SMARCA5: variants seen among roughly 807,000 people sequenced by gnomAD.
SMARCA5 encodes the protein SWI/SNF-related matrix-associated actin-dependent regulator of chromatin subfamily A member 5.
In SMARCA5, 18 loss-of-function variants were observed where a neutral mutation model predicts 140.4. The ratio of observed to expected loss-of-function variants is 0.13; its 90% CI spans 0.09 to 0.19. The LOEUF (loss-of-function observed/expected upper bound fraction) is 0.19. Ranked by LOEUF, SMARCA5 falls within the 10% of genes least tolerant of loss-of-function variation. The pLI is 1.00. For synonymous variants in SMARCA5, 449 were observed against 419.6 expected (o/e 1.07, Z -0.86); for missense variants, 606 against 1,276.8 (o/e 0.47, Z 8.01).
rs756559471 is a variant in SMARCA5 at position 143,538,721 on chromosome 4, AT to A, written c.1617+13del. On this transcript the variant is annotated intron_variant, in intron 12 of 23. Coordinates refer to ENST00000283131, the MANE Select transcript of SMARCA5 (RefSeq NM_003601.4). The stretch of plus-strand genomic sequence containing the variant: ...CCATGATGAGAGACAAGTGAGTAAA[AT>A]TTGGGGAGGGAGATAAAAAAGAATC... The A allele has an allele frequency of 8.7e-6, 14 of 1,613,794 alleles. No individual in the cohort carries two copies. In the African/African-American group the frequency reaches 1.9e-4, roughly 22 times the overall value.
chr4:143,517,611 C>T (rs1176098073), intron 2 of SMARCA5, among the ~76,000 whole-genome samples, 182 bp downstream of exon 2: 1 of 152,146 alleles, frequency 6.6e-6, no homozygotes, highest in Non-Finnish European at 1.5e-5. Flanking sequence ...TCAAGGCCAG[C>T]ATTTGTTGAG....
intron 23 of SMARCA5, among the ~76,000 whole-genome samples, chr4:143,551,421 C>G (rs889241241): frequency 1.3e-5 from 2 of 152,016 alleles, no homozygotes; most frequent in African/African-American, 4.8e-5. Context: ...TAATGTGATC[C>G]CATTTGTCCA....
intron 23 of SMARCA5, among the ~76,000 whole-genome samples, chr4:143,552,291 A>G (rs1423833866): frequency 1.3e-5 from 2 of 151,934 alleles, no homozygotes; most frequent in South Asian, 2.1e-4. Flanking sequence ...TAGTTTTTTG[A>G]TGGAGTCTTT....
intron 14 of SMARCA5, 46 bp from the exon 15 acceptor site, chr4:143,543,463 A>C (rs180838544): frequency 6.6e-7 from 1 of 1,517,840 alleles, no homozygotes. Context: ...TTTCCAGTAA[A>C]ATAAAGTCTG....
chr4:143,531,089 G>C (rs1204695245), intron 9 of SMARCA5, among the ~76,000 whole-genome samples: 2 of 152,180 alleles, frequency 1.3e-5, no homozygotes, highest in African/African-American at 2.4e-5. Context: ...CAGAGTGTTG[G>C]GATTACAGGC....
chr4:143,519,496 T>G (rs1009831688), intron 2 of SMARCA5, among the ~76,000 whole-genome samples: 2 of 151,830 alleles, frequency 1.3e-5, no homozygotes, highest in African/African-American at 4.8e-5. Flanking sequence ...GAAATGGAGG[T>G]TTTTCAGTGG....
chr4:143,546,235 A>G (rs1278179883), intron 19 of SMARCA5, among the ~76,000 whole-genome samples, 188 bp downstream of exon 19: 2 of 152,162 alleles, frequency 1.3e-5, no homozygotes, highest in Non-Finnish European at 2.9e-5. Context: ...TGAGAAGACT[A>G]CAGATTTTAT....
chr4:143,546,747 T>A, intron 19 of SMARCA5, 29 bp from the exon 20 acceptor site: 1 of 1,595,018 alleles, frequency 6.3e-7, no homozygotes, highest in Non-Finnish European at 8.5e-7. Flanking sequence ...TGTGCTGTGA[T>A]TAAATATTTT....
chr4:143,527,318 T>TA (rs1244910788), intron 6 of SMARCA5, among the ~76,000 whole-genome samples: 2 of 152,230 alleles, frequency 1.3e-5, no homozygotes, highest in African/African-American at 4.8e-5. Context: ...GATAAGTCTA[T>TA]ATTTTTCTCT....
intron 22 of SMARCA5, among the ~76,000 whole-genome samples, chr4:143,549,124 A>G (rs931877603): frequency 2.6e-5 from 4 of 152,094 alleles, no homozygotes; most frequent in African/African-American, 9.7e-5. Context: ...TTGTAACAAG[A>G]CAGTGCCATG....
Position 143,527,913 on chromosome 4 carries a change from T to C in SMARCA5, c.847T>C (p.Cys283Arg). 1 of 1,600,374 alleles carries C rather than the reference T, an allele frequency of 6.2e-7. No homozygotes were observed. Among genetic ancestry groups the C allele is most frequent in the Non-Finnish European group, 8.5e-7 (1 of 1,176,542 alleles). Residue 283 changes from cysteine (C) to arginine (R), a missense_variant, in exon 7 of 24, where the codon TGT becomes CGT. By Grantham distance (180) the Cys-to-Arg change is radical. Around this residue, in one of 10 missense-constraint regions of SMARCA5, gnomAD observed 110 missense variants for 287.7 expected, o/e 0.38. Coordinates refer to ENST00000283131, the MANE Select transcript of SMARCA5 (RefSeq NM_003601.4). ...TTTATTACCGGGAGAATGGGATGTA[T>C]GTGTAACATCTTATGAAATGCTTAT... Reference protein sequence around the residue: ...DVLLPGEWDVCVTSYEMLIKE... With the variant: ...DVLLPGEWDVRVTSYEMLIKE...
Position 143,536,698 on chromosome 4 carries a change from A to G in SMARCA5, c.1495+20A>G, listed in dbSNP as rs376249658. ...AACAAGGTATCGGTTACCCGTATCA[A>G]ATTATCAAAACTGTTTTAAAATGCT... On this transcript the variant is annotated intron_variant, in intron 11 of 23. Coordinates refer to ENST00000283131, the MANE Select transcript of SMARCA5 (RefSeq NM_003601.4). The G allele has an allele frequency of 5.9e-5, 91 of 1,533,270 alleles. No individual in the cohort carries two copies. Among genetic ancestry groups the G allele is most frequent in the African/African-American group, 1.2e-4 (9 of 73,030 alleles). 95.0% of individuals were successfully genotyped at this position (1,533,270 alleles called of 1,614,324 possible).
rs566440221 is a variant in SMARCA5, at chr4:143,534,284, C to T, written c.1159-571C>T. Among the ~76,000 whole-genome samples, 248 of 151,944 alleles carry T rather than the reference C, an allele frequency of 1.6e-3. 3 individuals are homozygous for T. Among genetic ancestry groups the T allele is most frequent in the African/African-American group, 3.0e-3 (126 of 41,422 alleles). On this transcript the variant is annotated intron_variant, in intron 9 of 23. Transcript: ENST00000283131. ...AGCCTACAATATCTCTGAGGTATGC[C>T]TTTATTGAATAAGTAATGGTCTTGT...
chr4:143,538,743 G>A, intron 12 of SMARCA5, 32 bp downstream of exon 12: 1 of 1,613,324 alleles, frequency 6.2e-7, no homozygotes, highest in Non-Finnish European at 8.5e-7. Flanking sequence ...AGATAAAAAA[G>A]AATCAGATAA....
Position 143,515,278 on chromosome 4 carries a change from A to G in SMARCA5, c.177+1177A>G, listed in dbSNP as rs1736804146. 2.0e-5 allele frequency among the ~76,000 whole-genome samples: 3 copies of G among 152,194 alleles called. No homozygotes were observed. The South Asian group carries it at 6.2e-4, about 31-fold the overall frequency. ...ATTAATGTTAGTAATCATTTAAAGA[A>G]CTTTTAGTGGTGAGGGTAGGTTTAG... On this transcript the variant is annotated intron_variant, in intron 1 of 23. Transcript: ENST00000283131.
chr4:143,521,353 A>C, intron 2 of SMARCA5, 76 bp from the exon 3 acceptor site: 1 of 938,864 alleles, frequency 1.1e-6, no homozygotes, highest in Non-Finnish European at 1.6e-6. Context: ...CATTGTATGG[A>C]GGCATGCTGA....
At position 143,545,598 on chromosome 4, in the gene SMARCA5, C is replaced by G. The variant is rs1344125588; in HGVS notation, c.2397+15C>G. The G allele has an allele frequency of 1.4e-6, 2 of 1,387,082 alleles. No individual in the cohort carries two copies. The highest frequency in any genetic ancestry group is 1.2e-5 in the South Asian group (1 of 84,020). The allele number at this position is 1,387,082 out of a possible 1,614,324, so 85.9% of individuals were successfully genotyped here. A position where few individuals can be genotyped will look rare whatever the true frequency, so the allele number is the denominator to read the frequency against. ...TTGGGTACAAGGTAATTGAAATTAT[C>G]TGCCTTTCTGTTCATTCCTATCCAG... On this transcript the variant is annotated intron_variant, in intron 18 of 23. Transcript: ENST00000283131.
In SMARCA5 at chr4:143,518,176, CATT is replaced by C. The variant is rs1177563394; in HGVS notation, c.252+750_252+752del. Among the ~76,000 whole-genome samples, 5 of 152,188 alleles carry C rather than the reference CATT, an allele frequency of 3.3e-5. No homozygotes were observed. In the East Asian group the frequency reaches 9.7e-4, roughly 29 times the overall value. On this transcript the variant is annotated intron_variant, in intron 2 of 23. Coordinates refer to ENST00000283131, the MANE Select transcript of SMARCA5 (RefSeq NM_003601.4). Reference sequence around the variant, plus strand: ...TGGGGTCTTTACAAAAAGAACATGACATTATATTGGAGTCATTCAAGTCCCAGT... The same window carrying C: ...TGGGGTCTTTACAAAAAGAACATGACATATTGGAGTCATTCAAGTCCCAGT...
intron 2 of SMARCA5, among the ~76,000 whole-genome samples, chr4:143,521,013 C>A (rs371359565): frequency 6.6e-6 from 1 of 151,994 alleles, no homozygotes; most frequent in Non-Finnish European, 1.5e-5. Context: ...AAAATTGTTC[C>A]GATCAACTGT....
Sources: gnomAD v4.1 joint callset for allele counts (sites outside exome capture counted in the v4.1 genomes callset) on GRCh38, gnomAD v4.1.1 for gene constraint, gnomAD v4.1.1 regional missense constraint, MANE v1.5 for transcripts, NCBI Gene and HGNC (gene_info 2026-07-23, HGNC 2026-07-21) for gene names.